The following CFAP263 variants were observed in gnomAD, a reference collection of about 807,000 sequenced individuals.
The protein encoded by CFAP263 is cilia and flagella associated protein 263.
At chr16:58,251,897 C>A in the CFAP263 span, among the ~76,000 whole-genome samples, 1 of 152,188 alleles carries the variant, frequency 6.6e-6, no homozygotes, top group Non-Finnish European at 1.5e-5. Flanking sequence ...AGGTTATAAC[C>A]TTGGCATATA....
chr16:58,262,381 G>A, the CFAP263 span: 13 of 1,601,018 alleles, frequency 8.1e-6, no homozygotes, highest in East Asian at 6.7e-5. Flanking sequence ...TTTCTGAGCT[G>A]TAGAAGGAAG....
the CFAP263 span, among the ~76,000 whole-genome samples, chr16:58,252,561 T>A: frequency 6.6e-6 from 1 of 152,162 alleles, no homozygotes; most frequent in Non-Finnish European, 1.5e-5. Context: ...GTCTTCCTTA[T>A]TGGAACCCTA....
At chr16:58,280,258 G>T in the CFAP263 span, 2 of 1,613,472 alleles carry the variant, frequency 1.2e-6, no homozygotes, top group African/African-American at 2.7e-5. Context: ...AAGCACGAAG[G>T]AAACCAAGAT....
At chr16:58,270,801 G>A in the CFAP263 span, among the ~76,000 whole-genome samples, 3 of 152,070 alleles carry the variant, frequency 2.0e-5, no homozygotes, top group Non-Finnish European at 2.9e-5. Flanking sequence ...TAGTGTGAGC[G>A]AGGATTTCAA....
the CFAP263 span, among the ~76,000 whole-genome samples, chr16:58,266,387 ATATATATATATATATATATTTTTTTTT>A: frequency 3.3e-5 from 1 of 29,908 alleles, no homozygotes; most frequent in African/African-American, 1.5e-4. Flanking sequence ...ATATATATAT[ATATATATATATATATATATTTTTTTTT>A]TTTTTTTTTT....
At chr16:58,259,875 C>T in the CFAP263 span, 23 of 1,591,670 alleles carry the variant, frequency 1.4e-5, no homozygotes, top group South Asian at 2.2e-5. Context: ...GGAGAAATTA[C>T]GTTTGAAAAA....
the CFAP263 span, chr16:58,259,938 T>C: frequency 2.5e-6 from 4 of 1,588,824 alleles, no homozygotes; most frequent in Non-Finnish European, 3.4e-6. Flanking sequence ...GAGGCAGGTA[T>C]GTGGTCCTTT....
At chr16:58,262,638 T>C in the CFAP263 span, 656,022 of 1,187,830 alleles carry the variant, frequency 0.55, 184,219 homozygotes, top group African/African-American at 0.64. Flanking sequence ...TCACACAGCG[T>C]TTGGGTGCCC....
At chr16:58,283,517 G>GT in the CFAP263 span, 2 of 152,150 alleles carry the variant, frequency 1.3e-5, no homozygotes, top group Non-Finnish European at 2.9e-5. Context: ...TGATGTCAGA[G>GT]TTTAACGGGC....
chr16:58,271,367 T>G, the CFAP263 span, among the ~76,000 whole-genome samples: 48 of 152,328 alleles, frequency 3.2e-4, 1 homozygote, highest in East Asian at 9.1e-3. Flanking sequence ...TTTCCCTTAT[T>G]TTAACCTCTT....
At chr16:58,279,690 G>A in the CFAP263 span, 1 of 1,558,712 alleles carries the variant, frequency 6.4e-7, no homozygotes, top group Non-Finnish European at 8.7e-7. Context: ...TTTTTTTGCA[G>A]ATGTCCTTAA....
the CFAP263 span, among the ~76,000 whole-genome samples, chr16:58,266,624 G>C: frequency 6.6e-6 from 1 of 151,562 alleles, no homozygotes; most frequent in African/African-American, 2.4e-5. Flanking sequence ...CTGGTGGGTG[G>C]GTTTTCAGGG....
At chr16:58,266,394 T>A in the CFAP263 span, among the ~76,000 whole-genome samples, 1 of 39,614 alleles carries the variant, frequency 2.5e-5, no homozygotes, top group African/African-American at 1.2e-4. Flanking sequence ...TATATATATA[T>A]ATATATATAT....
chr16:58,279,434 C>T, the CFAP263 span, among the ~76,000 whole-genome samples: 4 of 152,146 alleles, frequency 2.6e-5, no homozygotes. Flanking sequence ...AGAATCGTGG[C>T]AGGAACATGC....
At chr16:58,254,157 G>A in the CFAP263 span, 5 of 1,614,040 alleles carry the variant, frequency 3.1e-6, no homozygotes, top group South Asian at 2.2e-5. Context: ...GCAGCATCAC[G>A]AGGTACACCT....
chr16:58,275,649 C>A, the CFAP263 span, among the ~76,000 whole-genome samples: 2 of 152,138 alleles, frequency 1.3e-5, no homozygotes. Context: ...AGCCCTGATA[C>A]AGATCACATA....
chr16:58,254,009 G>A, the CFAP263 span: 1 of 1,614,210 alleles, frequency 6.2e-7, no homozygotes, highest in Non-Finnish European at 8.5e-7. Flanking sequence ...TTCGAGGCAG[G>A]CGTAGATCCA....
chr16:58,254,238 C>T, the CFAP263 span: 1 of 1,456,880 alleles, frequency 6.9e-7, no homozygotes. Flanking sequence ...AGAGTGGGTT[C>T]ATGTGATTGT....
chr16:58,257,014 C>CTTT, the CFAP263 span, among the ~76,000 whole-genome samples: 13 of 41,920 alleles, frequency 3.1e-4, 4 homozygotes, highest in South Asian at 3.5e-3. Flanking sequence ...ATATGAATTT[C>CTTT]TTTTTTTTTT....
Sources: gnomAD v4.1 joint callset for allele counts (sites outside exome capture counted in the v4.1 genomes callset) on GRCh38, gnomAD v4.1.1 for gene constraint, MANE v1.5 for transcripts, NCBI Gene and HGNC (gene_info 2026-07-23, HGNC 2026-07-21) for gene names.